DNAH9: variants seen among roughly 807,000 people sequenced by gnomAD.
The protein encoded by DNAH9 is dynein axonemal heavy chain 9, also known as DNAH9 variant protein.
In DNAH9, 345 loss-of-function variants were observed where a neutral mutation model predicts 471.6. That is an observed-to-expected ratio of 0.73 (90% CI 0.67 to 0.80). The LOEUF (loss-of-function observed/expected upper bound fraction) is 0.80. Among genes scored for constraint, DNAH9 ranks in the 30% least tolerant of loss-of-function variants. The pLI, the probability that DNAH9 is intolerant of heterozygous loss-of-function variation, is 0.00. For missense variants in DNAH9, 5,407 were observed against 5,609.2 expected (o/e 0.96, Z 1.15); for synonymous variants, 2,093 against 2,123.6 (o/e 0.99, Z 0.40).
rs1296056299 is a variant in DNAH9 at position 11,629,525 on chromosome 17, C to A, written c.1459C>A (p.Gln487Lys). The A allele has an allele frequency of 7.4e-6, 12 of 1,614,026 alleles. No homozygotes were observed. The highest frequency in any genetic ancestry group is 1.3e-5 in the African/African-American group (1 of 74,912). ...GGTCCAGCAAATGCATGAAGAATTT[C>A]AAGAGATGTACAGGCTTCTCTCAGG... is the stretch of plus-strand genomic sequence containing the variant. The part of the protein sequence containing the change: ...QQVQQMHEEF[Q>K]EMYRLLSGSS... Residue 487 changes from glutamine (Q) to lysine (K), a missense_variant, in exon 7 of 69, where the codon CAA becomes AAA. Transcript: ENST00000262442.
intron 39 of DNAH9, among the ~76,000 whole-genome samples, chr17:11,782,187 C>A (rs528609991): frequency 1.3e-5 from 2 of 152,320 alleles, no homozygotes; most frequent in South Asian, 2.1e-4. Flanking sequence ...TGTTTGCAAT[C>A]TCCACACTGA....
At chr17:11,762,074 C>A (rs1967699452) in intron 35 of DNAH9, among the ~76,000 whole-genome samples, 1 of 152,186 alleles carries the variant, frequency 6.6e-6, no homozygotes, top group African/African-American at 2.4e-5. Context: ...TGAGGGAACA[C>A]CCATCAAGGA....
At chr17:11,893,239 C>T (rs1171404533) in intron 58 of DNAH9, among the ~76,000 whole-genome samples, 2 of 150,088 alleles carry the variant, frequency 1.3e-5, no homozygotes, top group South Asian at 2.1e-4. Context: ...TCAAACTAAG[C>T]CAAAGGCTTT....
intron 19 of DNAH9, among the ~76,000 whole-genome samples, chr17:11,681,421 T>A (rs1053011926): frequency 3.3e-5 from 5 of 152,168 alleles, no homozygotes; most frequent in Non-Finnish European, 7.4e-5. Flanking sequence ...ACACCATTCA[T>A]CCATGCCCAC....
chr17:11,630,248 C>G (rs1367718258), intron 7 of DNAH9: 1 of 152,394 alleles, frequency 6.6e-6, no homozygotes, highest in African/African-American at 2.4e-5. Context: ...TCCTGGCCAA[C>G]ATGGTGAAAC....
intron 67 of DNAH9, among the ~76,000 whole-genome samples, chr17:11,959,439 A>G (rs756818739): frequency 1.6e-4 from 25 of 152,252 alleles, no homozygotes. Context: ...CATTGCATGT[A>G]GCAATGAATT....
chr17:11,702,444 A>G (rs2074617847), intron 24 of DNAH9, among the ~76,000 whole-genome samples: 1 of 152,234 alleles, frequency 6.6e-6, no homozygotes, highest in Admixed American at 6.5e-5. Flanking sequence ...TTTAGTAGTC[A>G]TCAAAGCCAT....
chr17:11,807,945 C>T (rs775679625), intron 44 of DNAH9, 51 bp downstream of exon 44: 1 of 1,548,100 alleles, frequency 6.5e-7, no homozygotes, highest in South Asian at 1.2e-5. Context: ...CTCCAACCAG[C>T]CACAGTTCCA....
intron 49 of DNAH9, among the ~76,000 whole-genome samples, chr17:11,844,565 C>T (rs1436791235): frequency 6.6e-6 from 1 of 152,020 alleles, no homozygotes; most frequent in Non-Finnish European, 1.5e-5. Flanking sequence ...ACCACCATGC[C>T]CGACTAATTT....
Position 11,871,665 on chromosome 17 carries a change from G to C in DNAH9, c.10121G>C (p.Arg3374Thr). 6.2e-7 allele frequency: 1 copy of C among 1,614,214 alleles called. No individual in the cohort carries two copies. Among genetic ancestry groups the C allele is most frequent in the Non-Finnish European group, 8.5e-7 (1 of 1,180,032 alleles). ...DAVQNFKQQE[R>T]TLCGDILLIT... ...GTGCAGAACTTCAAACAGCAGGAAA[G>C]GACGTTATGTGGAGACATTTTACTT... Residue 3374 changes from arginine to threonine, a missense_variant, in exon 52 of 69, where the codon AGG (arginine) becomes ACG (threonine). Physicochemically the swap from Arg to Thr is moderately conservative, Grantham distance 71. This residue lies in a region of DNAH9 where 4,636 missense variants were observed against 4,900.3 expected (regional missense o/e 0.95). Coordinates refer to ENST00000262442, the MANE Select transcript of DNAH9 (RefSeq NM_001372.4).
intron 25 of DNAH9, 25 bp downstream of exon 25, chr17:11,704,467 C>A: frequency 1.9e-6 from 3 of 1,608,140 alleles, no homozygotes; most frequent in Non-Finnish European, 2.5e-6. Flanking sequence ...TCCAGGGATG[C>A]CCACTTTTGT....
chr17:11,703,164 T>C (rs962362695), intron 24 of DNAH9, among the ~76,000 whole-genome samples: 1 of 151,600 alleles, frequency 6.6e-6, no homozygotes, highest in Non-Finnish European at 1.5e-5. Context: ...GAAACTTGGC[T>C]ACGAAGAAGA....
chr17:11,682,030 A>G (rs1378203436), intron 19 of DNAH9, among the ~76,000 whole-genome samples: 4 of 152,164 alleles, frequency 2.6e-5, no homozygotes, highest in Admixed American at 6.5e-5. Context: ...GTCTGGTACT[A>G]TGGTGAAAAA....
At chr17:11,883,861 A>T in intron 56 of DNAH9, 111 bp downstream of exon 56, 1 of 1,229,244 alleles carries the variant, frequency 8.1e-7, no homozygotes, top group Non-Finnish European at 1.1e-6. Flanking sequence ...AAAGTAACAC[A>T]TGGCTTTTCT....
At chr17:11,706,602 A>G (rs1410983228) in intron 26 of DNAH9, among the ~76,000 whole-genome samples, 1 of 152,198 alleles carries the variant, frequency 6.6e-6, no homozygotes, top group East Asian at 1.9e-4. Flanking sequence ...AAAGAACTGG[A>G]AAGGCTTCAG....
chr17:11,785,460 C>A (rs890106108), intron 41 of DNAH9, among the ~76,000 whole-genome samples: 5 of 152,100 alleles, frequency 3.3e-5, no homozygotes, highest in African/African-American at 9.7e-5. Context: ...TTGAGCCAAA[C>A]CATCAAAGCT....
At position 11,853,920 on chromosome 17, in the gene DNAH9, G is replaced by A. The variant is rs1038697740; in HGVS notation, c.9508-83G>A. On this transcript the variant is annotated intron_variant, in intron 49 of 68. Coordinates refer to ENST00000262442, the MANE Select transcript of DNAH9 (RefSeq NM_001372.4). Reference sequence around the variant, plus strand: ...TCAAAGCAGCCCTTTCAAACCGATCGCTCCACAACCTAACTCCATCAGTGG... The same window carrying A: ...TCAAAGCAGCCCTTTCAAACCGATCACTCCACAACCTAACTCCATCAGTGG... 5.2e-6 allele frequency: 7 copies of A among 1,347,892 alleles called. No individual in the cohort carries two copies. The African/African-American group carries it at 5.8e-5, about 11-fold the overall frequency. The allele number at this position is 1,347,892 out of a possible 1,614,324, so 83.5% of individuals were successfully genotyped here.
chr17:11,817,711 C>G (rs950300747), intron 45 of DNAH9, among the ~76,000 whole-genome samples: 3 of 152,136 alleles, frequency 2.0e-5, no homozygotes, highest in African/African-American at 7.2e-5. Context: ...TCCTTCACTC[C>G]TATTTTTATC....
At chr17:11,872,894 TG>T (rs1972337365) in intron 52 of DNAH9, among the ~76,000 whole-genome samples, 1 of 152,236 alleles carries the variant, frequency 6.6e-6, no homozygotes, top group African/African-American at 2.4e-5. Flanking sequence ...CACTCCAGCC[TG>T]GGCGACAGAG....
Sources: gnomAD v4.1 joint callset for allele counts (sites outside exome capture counted in the v4.1 genomes callset) on GRCh38, gnomAD v4.1.1 for gene constraint, gnomAD v4.1.1 regional missense constraint, MANE v1.5 for transcripts, NCBI Gene and HGNC (gene_info 2026-07-23, HGNC 2026-07-21) for gene names.